GRIK1: variants seen among roughly 807,000 people sequenced by gnomAD.
GRIK1 encodes glutamate receptor ionotropic, kainate 1.
Under a neutral mutation model 105.7 loss-of-function variants are expected in GRIK1, and 69 were observed. That is an observed-to-expected ratio of 0.65 (90% CI 0.54 to 0.80). GRIK1 has a LOEUF of 0.80. Among genes scored for constraint, GRIK1 ranks in the 30% least tolerant of loss-of-function variants. The probability of loss-of-function intolerance (pLI) is 0.00; values close to 1 mark genes in which losing one functional copy is unlikely to be tolerated. For missense variants in GRIK1, 1,109 were observed against 1,167.3 expected (o/e 0.95, Z 0.73); for synonymous variants, 438 against 431.3 (o/e 1.02, Z -0.19).
In GRIK1 at chr21:29,539,186, TA is replaced by T. The variant is rs1245935119; in HGVS notation, c.2608-1303del. On this transcript the variant is annotated intron_variant, in intron 16 of 17. Coordinates refer to ENST00000327783, the MANE Select transcript of GRIK1 (RefSeq NM_001330994.2). ...CAGAAAGTTTTTTATGAACTATACT[TA>T]AAAAATGTTATAGCAAGTACAGATG... 3.3e-5 allele frequency among the ~76,000 whole-genome samples: 5 copies of T among 152,118 alleles called. No homozygotes were observed. The East Asian group carries it at 9.6e-4, about 29-fold the overall frequency.
chr21:29,919,866 C>A (rs1354632138), intron 1 of GRIK1, among the ~76,000 whole-genome samples: 1 of 152,102 alleles, frequency 6.6e-6, no homozygotes, highest in African/African-American at 2.4e-5. Context: ...TGATATTAAA[C>A]AGTGAGGACC....
intron 1 of GRIK1, among the ~76,000 whole-genome samples, chr21:29,713,406 C>A (rs1387487986): frequency 6.6e-6 from 1 of 151,742 alleles, no homozygotes; most frequent in African/African-American, 2.4e-5. Context: ...TCTTGTAATG[C>A]CTATAAAATT....
At chr21:29,781,510 A>G (rs553490853) in intron 1 of GRIK1, among the ~76,000 whole-genome samples, 49 of 151,990 alleles carry the variant, frequency 3.2e-4, no homozygotes, top group Non-Finnish European at 5.7e-4. Flanking sequence ...TGAACATTCA[A>G]TGGATTTAAT....
chr21:29,891,617 A>C lies in GRIK1; in HGVS notation c.118+47766T>G, dbSNP rs371116503. ...AACAGTAGATTTTGGCAGAATTTGC[A>C]AGCATTGAGCTTGTCGGAACGTTAG... On this transcript the variant is annotated intron_variant, in intron 1 of 17. Coordinates refer to ENST00000327783, the MANE Select transcript of GRIK1 (RefSeq NM_001330994.2). 1.5e-4 allele frequency among the ~76,000 whole-genome samples: 23 copies of C among 152,336 alleles called. No homozygotes were observed. The East Asian group carries it at 2.1e-3, about 14-fold the overall frequency.
At chr21:29,699,640 A>G (rs945882244) in intron 1 of GRIK1, among the ~76,000 whole-genome samples, 2 of 148,934 alleles carry the variant, frequency 1.3e-5, no homozygotes, top group African/African-American at 4.9e-5. Context: ...AGACTAGTAC[A>G]TTTATCAGCA....
chr21:29,561,595 C>T, intron 15 of GRIK1, 29 bp downstream of exon 15: 8 of 1,400,936 alleles, frequency 5.7e-6, no homozygotes, highest in Non-Finnish European at 8.1e-6. Context: ...TTCTGTATCT[C>T]AGTCTTGGTT....
intron 1 of GRIK1, among the ~76,000 whole-genome samples, chr21:29,717,566 C>G (rs921030589): frequency 6.6e-6 from 1 of 152,240 alleles, no homozygotes; most frequent in African/African-American, 2.4e-5. Flanking sequence ...GGAGTTTGGA[C>G]TTGCTTGGGG....
At chr21:29,853,298 G>T (rs952979314) in intron 1 of GRIK1, among the ~76,000 whole-genome samples, 1 of 152,168 alleles carries the variant, frequency 6.6e-6, no homozygotes, top group Admixed American at 6.5e-5. Flanking sequence ...TTGACATTTT[G>T]GTTCTGATTT....
intron 1 of GRIK1, among the ~76,000 whole-genome samples, chr21:29,711,576 G>A (rs1310227520): frequency 1.3e-5 from 2 of 151,930 alleles, no homozygotes; most frequent in Non-Finnish European, 2.9e-5. Flanking sequence ...TAGTATCAAT[G>A]TGACTTTTAT....
At chr21:29,646,142 T>G (rs535121567) in intron 6 of GRIK1, among the ~76,000 whole-genome samples, 2 of 152,302 alleles carry the variant, frequency 1.3e-5, no homozygotes, top group South Asian at 2.1e-4. Flanking sequence ...TGAATGCCTA[T>G]TTTTGCTGGC....
At chr21:29,727,772 T>C (rs2064506408) in intron 1 of GRIK1, among the ~76,000 whole-genome samples, 1 of 152,152 alleles carries the variant, frequency 6.6e-6, no homozygotes, top group Non-Finnish European at 1.5e-5. Context: ...TATAAATAGA[T>C]AGAATGAAAT....
chr21:29,897,265 G>A (rs115458837), intron 1 of GRIK1, among the ~76,000 whole-genome samples: 207 of 152,318 alleles, frequency 1.4e-3, no homozygotes, highest in African/African-American at 4.9e-3. Flanking sequence ...AAGAGGCAGA[G>A]TGAATTTCAA....
chr21:29,684,954 AT>A (rs1450063247), intron 3 of GRIK1, among the ~76,000 whole-genome samples: 12 of 152,094 alleles, frequency 7.9e-5, no homozygotes, highest in Admixed American at 2.6e-4. Flanking sequence ...AATATCTATC[AT>A]CTACCTATCA....
rs185580950 is a variant in GRIK1 at position 29,612,203 on chromosome 21, A to G, written c.1099-13266T>C. On this transcript the variant is annotated intron_variant, in intron 7 of 17. Coordinates refer to ENST00000327783, the MANE Select transcript of GRIK1 (RefSeq NM_001330994.2). ...GGTTTAGAGTAAAAGGGATTTCTAG[A>G]AAATGAACCCTTGACCTTTGGCTAG... Among the ~76,000 whole-genome samples the G allele has an allele frequency of 2.2e-4, 33 of 152,356 alleles. No individual in the cohort carries two copies. The East Asian group carries it at 5.8e-3, about 27-fold the overall frequency.
intron 4 of GRIK1, among the ~76,000 whole-genome samples, chr21:29,671,018 G>A (rs1279072485): frequency 1.3e-5 from 2 of 152,190 alleles, no homozygotes; most frequent in African/African-American, 2.4e-5. Context: ...CTGGATGTAT[G>A]ACTCTGGCAA....
intron 1 of GRIK1, among the ~76,000 whole-genome samples, chr21:29,786,223 G>A (rs971026739): frequency 6.6e-6 from 1 of 152,186 alleles, no homozygotes; most frequent in African/African-American, 2.4e-5. Flanking sequence ...TCTTGACCCT[G>A]TGATCCGCCC....
chr21:29,715,840 A>G (rs1027565650), intron 1 of GRIK1, among the ~76,000 whole-genome samples: 2 of 152,060 alleles, frequency 1.3e-5, no homozygotes, highest in Admixed American at 1.3e-4. Context: ...AGTTCTTTAA[A>G]TGTAGTATTA....
intron 1 of GRIK1, among the ~76,000 whole-genome samples, chr21:29,893,530 A>G (rs989699871): frequency 9.2e-5 from 14 of 152,160 alleles, no homozygotes; most frequent in African/African-American, 3.4e-4. Flanking sequence ...TGTATAATCT[A>G]TATTTATATA....
intron 7 of GRIK1, among the ~76,000 whole-genome samples, chr21:29,642,054 G>A (rs363597): frequency 1.3e-3 from 199 of 152,254 alleles, no homozygotes; most frequent in African/African-American, 4.3e-3. Flanking sequence ...AGAGCATTGC[G>A]CATACTCAGG....
Sources: allele counts gnomAD v4.1 joint callset (sites outside exome capture counted in the v4.1 genomes callset), GRCh38; gene constraint gnomAD v4.1.1; transcripts MANE v1.5; gene names NCBI Gene and HGNC (gene_info 2026-07-23, HGNC 2026-07-21).